CTNND2: variants seen among roughly 807,000 people sequenced by gnomAD.
CTNND2 encodes catenin delta-2.
CTNND2 carries 22 observed loss-of-function variants against 144.4 expected under a neutral mutation model. The ratio of observed to expected loss-of-function variants is 0.15; its 90% CI spans 0.11 to 0.22. The LOEUF (loss-of-function observed/expected upper bound fraction) is 0.22, where lower values mean the gene tolerates loss of function less well. CTNND2 is among the 10% of genes least tolerant of loss of function. The probability of loss-of-function intolerance (pLI) is 1.00; values close to 1 mark genes in which losing one functional copy is unlikely to be tolerated. For missense variants in CTNND2, 1,353 were observed against 1,618.8 expected (o/e 0.84, Z 2.82); for synonymous variants, 751 against 695.6 (o/e 1.08, Z -1.25).
In CTNND2 at chr5:11,740,055, C is replaced by G. The variant is rs139568878; in HGVS notation, c.38-7783G>C. On this transcript the variant is annotated intron_variant, in intron 1 of 21. Transcript: ENST00000304623. The stretch of plus-strand genomic sequence containing the variant: ...AAATAAAAGAGGACACAAACAAATG[C>G]AAGAACATTCCATGCTCATGGATAG... Among the ~76,000 whole-genome samples, 877 of 152,190 alleles carry G rather than the reference C, an allele frequency of 5.8e-3. 10 individuals carry two copies. The highest frequency in any genetic ancestry group is 0.02 in the African/African-American group (837 of 41,532).
At chr5:11,851,417 A>T (rs1795008548) in intron 1 of CTNND2, among the ~76,000 whole-genome samples, 1 of 152,182 alleles carries the variant, frequency 6.6e-6, no homozygotes. Context: ...CATGATTGAA[A>T]GAAATGGTAC....
chr5:11,544,051 C>A (rs1210004247), intron 3 of CTNND2, among the ~76,000 whole-genome samples: 2 of 151,976 alleles, frequency 1.3e-5, no homozygotes, highest in Non-Finnish European at 2.9e-5. Context: ...GTGAAGGACA[C>A]TGAAGATTGT....
intron 10 of CTNND2, among the ~76,000 whole-genome samples, chr5:11,200,491 G>A (rs59783972): frequency 0.087 from 13,269 of 152,140 alleles, 1,360 homozygotes; most frequent in African/African-American, 0.25. Flanking sequence ...CATGTATATG[G>A]ACAAAGAGCA....
intron 1 of CTNND2, among the ~76,000 whole-genome samples, chr5:11,739,470 T>C (rs576252061): frequency 6.6e-6 from 1 of 152,312 alleles, no homozygotes; most frequent in Non-Finnish European, 1.5e-5. Context: ...AATCTACCTA[T>C]GACTCTTATG....
chr5:11,275,854 T>G (rs1413851281), intron 9 of CTNND2, among the ~76,000 whole-genome samples: 1 of 152,264 alleles, frequency 6.6e-6, no homozygotes, highest in Non-Finnish European at 1.5e-5. Context: ...TTACTAATTG[T>G]GTTTTCTAGA....
intron 1 of CTNND2, among the ~76,000 whole-genome samples, chr5:11,889,034 G>A (rs993975309): frequency 6.6e-6 from 1 of 152,076 alleles, no homozygotes; most frequent in Non-Finnish European, 1.5e-5. Context: ...ATAGATGTGA[G>A]TCACCACGCC....
At chr5:11,325,660 C>T (rs1047319863) in intron 9 of CTNND2, among the ~76,000 whole-genome samples, 5 of 152,236 alleles carry the variant, frequency 3.3e-5, no homozygotes, top group East Asian at 1.9e-4. Context: ...GGGGACCCTA[C>T]AGGAGCCTTG....
rs1473927350 is a variant in CTNND2 at position 11,474,126 on chromosome 5, A to G, written c.288-62057T>C. Among the ~76,000 whole-genome samples, 3 of 152,204 alleles carry G rather than the reference A, an allele frequency of 2.0e-5. No individual in the cohort carries two copies. In the East Asian group the frequency reaches 5.8e-4, roughly 29 times the overall value. On this transcript the variant is annotated intron_variant, in intron 3 of 21. Transcript: ENST00000304623. ...ACATTTGTCTGGAGAAAAACCTTCA[A>G]CCCTTTTAACCACAGATTTTTGCAT...
rs1428119377 is a variant in CTNND2 at position 11,530,184 on chromosome 5, T to C, written c.287+34760A>G. 6.6e-5 allele frequency among the ~76,000 whole-genome samples: 10 copies of C among 151,700 alleles called. No individual in the cohort carries two copies. In the East Asian group the frequency reaches 1.5e-3, roughly 23 times the overall value. On this transcript the variant is annotated intron_variant, in intron 3 of 21. Coordinates refer to ENST00000304623, the MANE Select transcript of CTNND2 (RefSeq NM_001332.4). ...CAACTCTACTGGGGAAGCAAAGATATGATGAGGATTCCAGGATGACTCATA... is the reference window on the plus strand; with the variant it reads ...CAACTCTACTGGGGAAGCAAAGATACGATGAGGATTCCAGGATGACTCATA...
chr5:11,475,589 T>C (rs943899234), intron 3 of CTNND2, among the ~76,000 whole-genome samples: 1 of 152,278 alleles, frequency 6.6e-6, no homozygotes, highest in East Asian at 1.9e-4. Flanking sequence ...CCAGTGTTAG[T>C]GAAGTGAATG....
intron 9 of CTNND2, among the ~76,000 whole-genome samples, chr5:11,308,662 A>ACT (rs1561193093): frequency 6.6e-6 from 1 of 152,224 alleles, no homozygotes; most frequent in African/African-American, 2.4e-5. Flanking sequence ...TTAAACATAA[A>ACT]CTTACCTTCG....
chr5:11,904,063 C>T lies in CTNND2; in HGVS notation c.-210G>A. On this transcript the variant is annotated 5_prime_UTR_variant, in exon 1 of 22. Coordinates refer to ENST00000304623, the MANE Select transcript of CTNND2 (RefSeq NM_001332.4). This position sits in a 1 kb window ranked among gnomAD's most constrained non-coding sequence, Gnocchi z 4.2. ...CGACGCGAGTGCGCAGCGCCCGGCC[C>T]GGCGGCCCCTCCGAGCTCGGCGAGC... is the stretch of plus-strand genomic sequence containing the variant. 3.3e-6 allele frequency: 1 copy of T among 305,662 alleles called. No homozygotes were observed. The highest frequency in any genetic ancestry group is 5.4e-6 in the Non-Finnish European group (1 of 186,418). 18.9% of individuals were successfully genotyped at this position (305,662 alleles called of 1,614,324 possible). A position where few individuals can be genotyped will look rare whatever the true frequency, so the allele number is the denominator to read the frequency against.
chr5:11,211,547 C>A (rs966777542), intron 10 of CTNND2, among the ~76,000 whole-genome samples: 2 of 152,140 alleles, frequency 1.3e-5, no homozygotes, highest in African/African-American at 4.8e-5. Flanking sequence ...AGGAATCATG[C>A]GTGACTACGA....
chr5:11,823,623 T>C (rs1032258335), intron 1 of CTNND2, among the ~76,000 whole-genome samples: 5 of 152,176 alleles, frequency 3.3e-5, no homozygotes, highest in African/African-American at 9.6e-5. Flanking sequence ...CTTTTTTATA[T>C]AATATTTTAT....
chr5:11,274,599 G>A (rs1333757031), intron 9 of CTNND2, among the ~76,000 whole-genome samples: 3 of 147,362 alleles, frequency 2.0e-5, no homozygotes, highest in Non-Finnish European at 3.0e-5. Context: ...TTTTTAAAAA[G>A]GCAACACCAA....
intron 9 of CTNND2, among the ~76,000 whole-genome samples, chr5:11,255,816 T>C (rs1001993582): frequency 1.3e-5 from 2 of 152,196 alleles, no homozygotes; most frequent in African/African-American, 4.8e-5. Flanking sequence ...GCTGGAGCCA[T>C]GGCCCAGGGC....
intron 3 of CTNND2, among the ~76,000 whole-genome samples, chr5:11,525,101 C>G (rs1773117378): frequency 6.6e-6 from 1 of 152,192 alleles, no homozygotes; most frequent in Non-Finnish European, 1.5e-5. Flanking sequence ...CCAGTGGCAG[C>G]CAGCAACACA....
chr5:11,601,385 A>AT (rs918625343), intron 2 of CTNND2, among the ~76,000 whole-genome samples: 7 of 151,976 alleles, frequency 4.6e-5, no homozygotes, highest in African/African-American at 1.7e-4. Flanking sequence ...TAAGAATTTT[A>AT]TTTTTTTGTG....
Position 11,384,821 on chromosome 5 carries a change from T to C in CTNND2, c.1021A>G (p.Ile341Val), listed in dbSNP as rs1380341181. Residue 341 changes from isoleucine to valine, a missense_variant, in exon 7 of 22, where the codon ATC becomes GTC. This residue lies in a region of CTNND2 where 708 missense variants were observed against 706.4 expected (regional missense o/e 1.00). Transcript: ENST00000304623. The surrounding 1 kb of genome is among the most constrained non-coding windows in gnomAD (Gnocchi z 5.2). ...AGCTGGTGGATGGGCGAGGAGGAGA[T>C]GGTGGACTGCACGGTGGGGGGCGAG... ...VTSPPTVQST[I>V]SSSPIHQLSS... is the part of the protein sequence containing the mutation. 2 of 1,613,012 alleles carry C rather than the reference T, an allele frequency of 1.2e-6. No homozygotes were observed. The highest frequency in any genetic ancestry group is 2.2e-5 in the South Asian group (2 of 90,892).
Sources: allele counts gnomAD v4.1 joint callset (sites outside exome capture counted in the v4.1 genomes callset), GRCh38; gene constraint gnomAD v4.1.1; regional missense constraint gnomAD v4.1.1; non-coding constraint Gnocchi (gnomAD v3.1); transcripts MANE v1.5; gene names NCBI Gene and HGNC (gene_info 2026-07-23, HGNC 2026-07-21).